Variants in DLGAP1 observed in about 807,000 individuals in gnomAD.
DLGAP1 encodes DLG associated protein 1.
DLGAP1 carries 11 observed loss-of-function variants against 90.8 expected under a neutral mutation model. That is an observed-to-expected ratio of 0.12 (90% CI 0.08 to 0.20). The LOEUF (loss-of-function observed/expected upper bound fraction) is 0.20. DLGAP1 is among the 10% of genes least tolerant of loss of function. The pLI is 1.00. For synonymous variants in DLGAP1, 558 were observed against 540.7 expected (o/e 1.03, Z -0.44); for missense variants, 1,050 against 1,333.8 (o/e 0.79, Z 3.31).
At chr18:4,385,824 G>A (rs1290013270) in intron 1 of DLGAP1, among the ~76,000 whole-genome samples, 1 of 152,212 alleles carries the variant, frequency 6.6e-6, no homozygotes, top group African/African-American at 2.4e-5. Context: ...GTGGAGCCAT[G>A]TGGAATCCAG....
intron 5 of DLGAP1, among the ~76,000 whole-genome samples, chr18:3,797,091 T>C (rs1029471990): frequency 2.0e-5 from 3 of 152,056 alleles, no homozygotes; most frequent in African/African-American, 7.2e-5. Context: ...CCCAGCACAT[T>C]GGGAGGCTGA....
intron 1 of DLGAP1, among the ~76,000 whole-genome samples, chr18:4,300,399 A>G (rs963259807): frequency 9.2e-5 from 14 of 152,212 alleles, no homozygotes; most frequent in African/African-American, 2.9e-4. Context: ...AATGTTGAGC[A>G]AATTTTACTG....
chr18:3,862,764 A>C (rs922200503), intron 4 of DLGAP1, among the ~76,000 whole-genome samples: 1 of 152,142 alleles, frequency 6.6e-6, no homozygotes, highest in Non-Finnish European at 1.5e-5. Flanking sequence ...CCTCAAAACA[A>C]CTCTACGAGG....
At chr18:4,291,068 A>G (rs1022686757) in intron 1 of DLGAP1, among the ~76,000 whole-genome samples, 9 of 152,220 alleles carry the variant, frequency 5.9e-5, no homozygotes, top group Non-Finnish European at 1.3e-4. Context: ...TTTCATACAA[A>G]TATTTCCTGT....
chr18:4,446,024 C>T (rs989179224), intron 1 of DLGAP1, among the ~76,000 whole-genome samples: 7 of 152,142 alleles, frequency 4.6e-5, no homozygotes, highest in Admixed American at 3.9e-4. Flanking sequence ...AACAATTCAT[C>T]AAGTAGATGG....
intron 1 of DLGAP1, among the ~76,000 whole-genome samples, chr18:4,331,458 A>G (rs2080950150): frequency 6.6e-6 from 1 of 151,854 alleles, no homozygotes. Flanking sequence ...AAAGAGGTCA[A>G]GATCTTCATG....
chr18:3,629,393 T>C lies in DLGAP1; in HGVS notation c.1592-47145A>G, dbSNP rs570720889. Among the ~76,000 whole-genome samples, 8 of 151,896 alleles carry C rather than the reference T, an allele frequency of 5.3e-5. No individual in the cohort carries two copies. In the East Asian group the frequency reaches 9.7e-4, roughly 18 times the overall value. ...AAATAAATAAAAATAAAAAATAGGC[T>C]GGGCGCGGTGGCTCAACCCTGTAAT... On this transcript the variant is annotated intron_variant, in intron 7 of 12. Transcript: ENST00000315677.
intron 7 of DLGAP1, among the ~76,000 whole-genome samples, chr18:3,598,521 G>A (rs1046970679): frequency 2.8e-5 from 4 of 142,974 alleles, no homozygotes; most frequent in African/African-American, 1.0e-4. Context: ...AGGCTGGAGT[G>A]CAGTGTCACA....
intron 9 of DLGAP1, among the ~76,000 whole-genome samples, chr18:3,549,698 T>G (rs1005862094): frequency 3.9e-5 from 6 of 152,122 alleles, no homozygotes; most frequent in Admixed American, 3.3e-4. Flanking sequence ...TCCCCTGATA[T>G]AGCTGTATTA....
intron 7 of DLGAP1, among the ~76,000 whole-genome samples, chr18:3,696,901 G>A (rs1401899937): frequency 2.6e-5 from 4 of 152,088 alleles, no homozygotes; most frequent in East Asian, 3.9e-4. Flanking sequence ...TCAGGGATTC[G>A]ACTTTTTCCT....
At chr18:3,809,955 A>ACTCTGGCCCCTAAATGTCTC (rs2066751903) in intron 5 of DLGAP1, among the ~76,000 whole-genome samples, 2 of 152,044 alleles carry the variant, frequency 1.3e-5, no homozygotes, top group Admixed American at 1.3e-4. Flanking sequence ...CTTTGAGGGA[A>ACTCTGGCCCCTAAATGTCTC]CTCTGGCCCC....
At chr18:3,695,226 G>A (rs2061052545) in intron 7 of DLGAP1, among the ~76,000 whole-genome samples, 2 of 152,128 alleles carry the variant, frequency 1.3e-5, no homozygotes, top group Admixed American at 6.6e-5. Flanking sequence ...TTACAGGCAT[G>A]AGCCACCAAG....
chr18:3,924,045 C>T (rs114192609), intron 3 of DLGAP1, among the ~76,000 whole-genome samples: 3 of 152,320 alleles, frequency 2.0e-5, no homozygotes, highest in Non-Finnish European at 4.4e-5. Flanking sequence ...AGACATGGAA[C>T]CTTCACATCT....
At chr18:4,401,779 G>A (rs1354334534) in intron 1 of DLGAP1, among the ~76,000 whole-genome samples, 1 of 152,064 alleles carries the variant, frequency 6.6e-6, no homozygotes, top group East Asian at 1.9e-4. Context: ...TGTTATCTAT[G>A]TTTGAAAAGA....
intron 3 of DLGAP1, among the ~76,000 whole-genome samples, chr18:3,924,988 C>CA (rs1296149876): frequency 6.6e-5 from 10 of 151,986 alleles, no homozygotes; most frequent in Non-Finnish European, 1.5e-4. Context: ...AGTCTTGCTC[C>CA]ATTGCCCGGG....
chr18:3,780,795 A>C (rs1320232818), intron 5 of DLGAP1, among the ~76,000 whole-genome samples: 2 of 152,076 alleles, frequency 1.3e-5, no homozygotes, highest in African/African-American at 4.8e-5. Context: ...CAATATGGAA[A>C]AGGATTTATT....
intron 3 of DLGAP1, among the ~76,000 whole-genome samples, chr18:3,938,645 T>G (rs943844040): frequency 6.6e-6 from 1 of 152,190 alleles, no homozygotes; most frequent in Admixed American, 6.5e-5. Context: ...TCAGTTAATA[T>G]TCTTGAATAA....
rs761529055 is a variant in DLGAP1 at position 3,711,729 on chromosome 18, C to T, written c.1591+17406G>A. Among the ~76,000 whole-genome samples the T allele has an allele frequency of 6.6e-6, 1 of 152,138 alleles. No homozygotes were observed. The highest frequency in any genetic ancestry group is 1.5e-5 in the Non-Finnish European group (1 of 68,020). On this transcript the variant is annotated intron_variant, in intron 7 of 12. Coordinates refer to ENST00000315677, the MANE Select transcript of DLGAP1 (RefSeq NM_004746.4). This position sits in a 1 kb window ranked among gnomAD's most constrained non-coding sequence, Gnocchi z 4.0. ...GTGGCACCACCTGTGGTCCCAGCTA[C>T]TTGGGAGGCTCAGGTGGGAGGCTTG...
chr18:4,369,823 A>T (rs2081875184), intron 1 of DLGAP1, among the ~76,000 whole-genome samples: 1 of 149,988 alleles, frequency 6.7e-6, no homozygotes, highest in African/African-American at 2.5e-5. Context: ...AGTAAAAAAA[A>T]AAAAAAAAAA....
Sources: gnomAD v4.1 joint callset for allele counts (sites outside exome capture counted in the v4.1 genomes callset) on GRCh38, gnomAD v4.1.1 for gene constraint, Gnocchi (gnomAD v3.1) non-coding constraint, MANE v1.5 for transcripts, NCBI Gene and HGNC (gene_info 2026-07-23, HGNC 2026-07-21) for gene names.